The following ATP8B2 variants were observed in gnomAD, a reference collection of about 807,000 sequenced individuals.
ATP8B2 encodes phospholipid-transporting ATPase ID.
In ATP8B2, 70 loss-of-function variants were observed where a neutral mutation model predicts 133.4. The ratio of observed to expected loss-of-function variants is 0.52; its 90% CI spans 0.43 to 0.64. The LOEUF (loss-of-function observed/expected upper bound fraction) is 0.64, where lower values mean the gene tolerates loss of function less well. Ranked by LOEUF, ATP8B2 falls within the 30% of genes least tolerant of loss-of-function variation. The probability of loss-of-function intolerance (pLI) is 0.00; values close to 1 mark genes in which losing one functional copy is unlikely to be tolerated. For synonymous variants in ATP8B2, 517 were observed against 589.5 expected (o/e 0.88, Z 1.78); for missense variants, 1,101 against 1,535.7 (o/e 0.72, Z 4.73).
At chr1:154,333,273 T>C (rs1417448777) in intron 9 of ATP8B2, among the ~76,000 whole-genome samples, 1 of 151,748 alleles carries the variant, frequency 6.6e-6, no homozygotes, top group African/African-American at 2.4e-5. Context: ...GAGGTTGCAG[T>C]GAGCTAAGAT....
Position 154,328,238 on chromosome 1 carries a change from G to C in ATP8B2, c.31+66G>C. 6.6e-7 allele frequency: 1 copy of C among 1,522,618 alleles called. No individual in the cohort carries two copies. The highest frequency in any genetic ancestry group is 9.1e-7 in the Non-Finnish European group (1 of 1,098,156). 94.3% of individuals were successfully genotyped at this position (1,522,618 alleles called of 1,614,324 possible). A position where few individuals can be genotyped will look rare whatever the true frequency, so the allele number is the denominator to read the frequency against. On this transcript the variant is annotated intron_variant, in intron 2 of 27. Coordinates refer to ENST00000368489, the MANE Select transcript of ATP8B2 (RefSeq NM_001370597.1). This position sits in a 1 kb window ranked among gnomAD's most constrained non-coding sequence, Gnocchi z 4.6. ...AGTGGGTGTTGTTATGGCTCAGGGA[G>C]CAAAAGGAAAAGGGACAACTGGTAT...
At chr1:154,348,816 G>T in intron 27 of ATP8B2, 24 bp from the exon 28 acceptor site, 1 of 1,562,578 alleles carries the variant, frequency 6.4e-7, no homozygotes, top group East Asian at 2.4e-5. Flanking sequence ...CTGACAGAGG[G>T]CTCTTCCCTG....
rs1475061254 is a variant in ATP8B2 at position 154,346,612 on chromosome 1, T to C, written c.3025-8T>C. ...GTGCGCCTGCCTGACTATGCCTACTTTCTGCAGATTGGGCTCGACACAGGC... is the reference window on the plus strand; with the variant it reads ...GTGCGCCTGCCTGACTATGCCTACTCTCTGCAGATTGGGCTCGACACAGGC... On this transcript the variant is annotated splice_polypyrimidine_tract_variant and splice_region_variant and intron_variant, in intron 25 of 27. Transcript: ENST00000368489. The surrounding 1 kb of genome is among the most constrained non-coding windows in gnomAD (Gnocchi z 4.5). 6.2e-7 allele frequency: 1 copy of C among 1,614,064 alleles called. No individual in the cohort carries two copies.
At position 154,334,327 on chromosome 1, in the gene ATP8B2, A is replaced by G; in HGVS notation, c.748+62A>G. The G allele has an allele frequency of 6.3e-7, 1 of 1,596,532 alleles. No individual in the cohort carries two copies. Among genetic ancestry groups the G allele is most frequent in the Non-Finnish European group, 8.6e-7 (1 of 1,167,082 alleles). On this transcript the variant is annotated intron_variant, in intron 10 of 27. Coordinates refer to ENST00000368489, the MANE Select transcript of ATP8B2 (RefSeq NM_001370597.1). This position sits in a 1 kb window ranked among gnomAD's most constrained non-coding sequence, Gnocchi z 4.6. ...GTGACTCAGCCAGCCCTCACTCAGG[A>G]GTATGGGATGAGGTGGGAGAATACC...
chr1:154,346,572 A>G lies in ATP8B2; in HGVS notation c.3025-48A>G, dbSNP rs1169116914. The G allele has an allele frequency of 6.2e-7, 1 of 1,612,270 alleles. No individual in the cohort carries two copies. The highest frequency in any genetic ancestry group is 1.1e-5 in the South Asian group (1 of 90,892). On this transcript the variant is annotated intron_variant, in intron 25 of 27. Transcript: ENST00000368489. The surrounding 1 kb of genome is among the most constrained non-coding windows in gnomAD (Gnocchi z 4.5). ...GCACCACAGTTCTGTTTCTGGGGGA[A>G]GGGGCTTTTAGGGCGTGCGCCTGCC...
chr1:154,346,182 A>C lies in ATP8B2; in HGVS notation c.2779-49A>C. On this transcript the variant is annotated intron_variant, in intron 24 of 27. Transcript: ENST00000368489. The surrounding 1 kb of genome is among the most constrained non-coding windows in gnomAD (Gnocchi z 4.5). ...AGTCTGCCCTTGGTCATCCAGGGTC[A>C]AAACGGCAACCTCTGAGGCCCCCTA... 6.3e-7 allele frequency: 1 copy of C among 1,591,974 alleles called. No homozygotes were observed. The highest frequency in any genetic ancestry group is 8.6e-7 in the Non-Finnish European group (1 of 1,167,922).
In ATP8B2 at chr1:154,343,311, G is replaced by A. The variant is rs1173755147; in HGVS notation, c.1642+10G>A. 6.2e-7 allele frequency: 1 copy of A among 1,613,626 alleles called. No homozygotes were observed. Among genetic ancestry groups the A allele is most frequent in the East Asian group, 2.2e-5 (1 of 44,872 alleles). ...CGGATGTCGGTCATAGGTGAGGCCA[G>A]GCCTGGGGTGCTGGGGCGTTTGGGG... On this transcript the variant is annotated intron_variant, in intron 16 of 27. Transcript: ENST00000368489. The surrounding 1 kb of genome is among the most constrained non-coding windows in gnomAD (Gnocchi z 5.8).
chr1:154,346,008 C>T lies in ATP8B2; in HGVS notation c.2778+125C>T, dbSNP rs867654062. ...CCACTGGGAAGGCAGTTCTTTCAGCCGGGGAAGGTGTGGCTGGTTCTCCCT... is the reference window on the plus strand; with the variant it reads ...CCACTGGGAAGGCAGTTCTTTCAGCTGGGGAAGGTGTGGCTGGTTCTCCCT... On this transcript the variant is annotated intron_variant, in intron 24 of 27. Coordinates refer to ENST00000368489, the MANE Select transcript of ATP8B2 (RefSeq NM_001370597.1). This position sits in a 1 kb window ranked among gnomAD's most constrained non-coding sequence, Gnocchi z 4.5. 2.5e-5 allele frequency: 28 copies of T among 1,128,180 alleles called. No individual in the cohort carries two copies. The highest frequency in any genetic ancestry group is 5.5e-4 in the Middle Eastern group (2 of 3,658). The allele number at this position is 1,128,180 out of a possible 1,614,324, so 69.9% of individuals were successfully genotyped here.
At position 154,345,632 on chromosome 1, in the gene ATP8B2, G is replaced by C; in HGVS notation, c.2694+87G>C. The stretch of plus-strand genomic sequence containing the variant: ...CTTGTTTATCACTCAGTCCCCCAGG[G>C]CCTAGCTATTTTCTGGTACATACTC... On this transcript the variant is annotated intron_variant, in intron 23 of 27. Transcript: ENST00000368489. The surrounding 1 kb of genome is among the most constrained non-coding windows in gnomAD (Gnocchi z 5.6). The C allele has an allele frequency of 7.3e-7, 1 of 1,374,426 alleles. No individual in the cohort carries two copies. The allele number at this position is 1,374,426 out of a possible 1,614,324, so 85.1% of individuals were successfully genotyped here.
intron 2 of ATP8B2, chr1:154,329,056 G>A (rs1404624531): frequency 7.7e-7 from 1 of 1,303,170 alleles, no homozygotes; most frequent in African/African-American, 1.5e-5. Flanking sequence ...GGAGCCGAAA[G>A]AAGCCCTCTT....
In ATP8B2 at chr1:154,328,317, AG is replaced by A; in HGVS notation, c.31+147del. 1.2e-6 allele frequency: 1 copy of A among 866,622 alleles called. No homozygotes were observed. The highest frequency in any genetic ancestry group is 1.9e-6 in the Non-Finnish European group (1 of 529,452). 53.7% of individuals were successfully genotyped at this position (866,622 alleles called of 1,614,324 possible). On this transcript the variant is annotated intron_variant, in intron 2 of 27. Coordinates refer to ENST00000368489, the MANE Select transcript of ATP8B2 (RefSeq NM_001370597.1). This position sits in a 1 kb window ranked among gnomAD's most constrained non-coding sequence, Gnocchi z 4.6. ...CCCCTACCCAGCTTGGGGGCAGCCTAGGAAACCGAATTCTTCCGCTTGATCC... is the reference window on the plus strand; with the variant it reads ...CCCCTACCCAGCTTGGGGGCAGCCTAGAAACCGAATTCTTCCGCTTGATCC...
At chr1:154,348,348 T>C (rs572454657) in intron 26 of ATP8B2, 60 bp from the exon 27 acceptor site, 240 of 1,540,166 alleles carry the variant, frequency 1.6e-4, no homozygotes, top group Middle Eastern at 1.2e-3. Context: ...CTGCCAGAAA[T>C]GGGAACGGGG....
rs368045724 is a variant in ATP8B2 at position 154,343,941 on chromosome 1, C to G, written c.1807C>G (p.Leu603Val). The G allele has an allele frequency of 6.2e-7, 1 of 1,613,844 alleles. No individual in the cohort carries two copies. Among genetic ancestry groups the G allele is most frequent in the African/African-American group, 1.3e-5 (1 of 74,912 alleles). ...GACCCTGGTGCTGGCCTACAAGGAT[C>G]TGGATGAAGAGTACTACGAGGAGTG... ...LRTLVLAYKD[L>V]DEEYYEEWAE... Residue 603 changes from leucine to valine, a missense_variant, in exon 18 of 28, where the codon CTG becomes GTG. Coordinates refer to ENST00000368489, the MANE Select transcript of ATP8B2 (RefSeq NM_001370597.1). The surrounding 1 kb of genome is among the most constrained non-coding windows in gnomAD (Gnocchi z 5.8).
At chr1:154,338,271 T>C (rs1378826036) in intron 12 of ATP8B2, among the ~76,000 whole-genome samples, 1 of 152,068 alleles carries the variant, frequency 6.6e-6, no homozygotes, top group Non-Finnish European at 1.5e-5. Flanking sequence ...TTGGCCAGGG[T>C]CTTGGGCCAA....
intron 26 of ATP8B2, among the ~76,000 whole-genome samples, chr1:154,347,668 C>T (rs1247337887): frequency 4.6e-5 from 7 of 152,084 alleles, no homozygotes; most frequent in African/African-American, 9.7e-5. Context: ...AGGCCGGGCG[C>T]GGTGGCTCAA....
chr1:154,334,602 C>T lies in ATP8B2; in HGVS notation c.837+11C>T. 1 of 1,611,086 alleles carries T rather than the reference C, an allele frequency of 6.2e-7. No individual in the cohort carries two copies. Among genetic ancestry groups the T allele is most frequent in the Non-Finnish European group, 8.5e-7 (1 of 1,177,514 alleles). ...ACCCTGGTGCTCTGGGTGAGGCGCC[C>T]CACATCTGGCTCCCTGCCCCTGCCC... is the stretch of plus-strand genomic sequence containing the variant. On this transcript the variant is annotated intron_variant, in intron 11 of 27. Coordinates refer to ENST00000368489, the MANE Select transcript of ATP8B2 (RefSeq NM_001370597.1). This position sits in a 1 kb window ranked among gnomAD's most constrained non-coding sequence, Gnocchi z 4.6.
intron 11 of ATP8B2, among the ~76,000 whole-genome samples, chr1:154,336,056 A>AG (rs1686170188): frequency 6.6e-6 from 1 of 150,642 alleles, no homozygotes. Flanking sequence ...AAAAAAAAAA[A>AG]AGGCCATCTA....
chr1:154,330,692 C>A, intron 3 of ATP8B2, 123 bp from the exon 4 acceptor site: 1 of 861,202 alleles, frequency 1.2e-6, no homozygotes, highest in African/African-American at 1.7e-5. Flanking sequence ...CCCCCTCCCA[C>A]ACCTGTGTTT....
rs918354413 is a variant in ATP8B2, at chr1:154,350,768, C to T, written c.*1650C>T. ...AGCTATTCCCTAAATAAGGCATTTC[C>T]CAAGTTAGTCGCTACCTAATCAGCC... On this transcript the variant is annotated 3_prime_UTR_variant, in exon 28 of 28. Transcript: ENST00000368489. 6.6e-6 allele frequency: 1 copy of T among 152,350 alleles called. No homozygotes were observed. Among genetic ancestry groups the T allele is most frequent in the Non-Finnish European group, 1.5e-5 (1 of 68,050 alleles). The allele number at this position is 152,350 out of a possible 1,614,324, so 9.4% of individuals were successfully genotyped here.
Sources: gnomAD v4.1 joint callset for allele counts (sites outside exome capture counted in the v4.1 genomes callset) on GRCh38, gnomAD v4.1.1 for gene constraint, Gnocchi (gnomAD v3.1) non-coding constraint, MANE v1.5 for transcripts, NCBI Gene and HGNC (gene_info 2026-07-23, HGNC 2026-07-21) for gene names.